The following PIGB variants were observed in gnomAD, a reference collection of about 807,000 sequenced individuals.
PIGB encodes phosphatidylinositol glycan anchor biosynthesis class B.
Under a neutral mutation model 68.4 loss-of-function variants are expected in PIGB, and 58 were observed. The observed-to-expected ratio is 0.85, with a 90% CI of 0.69 to 1.06. The LOEUF (loss-of-function observed/expected upper bound fraction) is 1.06. Among genes scored for constraint, PIGB ranks in the 50% least tolerant of loss-of-function variants. PIGB has a pLI of 0.00. For synonymous variants in PIGB, 219 were observed against 220.5 expected, an observed-to-expected ratio of 0.99 and a Z score of 0.06; for missense variants, 634 against 655.8, an observed-to-expected ratio of 0.97 and a Z score of 0.36.
chr15:55,323,882 G>T (rs1000434861), intron 3 of PIGB, among the ~76,000 whole-genome samples: 5 of 152,140 alleles, frequency 3.3e-5, no homozygotes, highest in Non-Finnish European at 7.4e-5. Context: ...ACCACAGTAA[G>T]GTTTGTTGGG....
chr15:55,327,658 G>A, intron 4 of PIGB, 23 bp downstream of exon 4: 1 of 1,371,750 alleles, frequency 7.3e-7, no homozygotes, highest in Non-Finnish European at 1.0e-6. Flanking sequence ...TACTTTAGAA[G>A]CTGTATGCCA....
At chr15:55,320,510 A>C in intron 2 of PIGB, 100 bp downstream of exon 2, 1 of 1,075,818 alleles carries the variant, frequency 9.3e-7, no homozygotes. Context: ...CCTCGTCTTC[A>C]GTAGATAGTT....
intron 1 of PIGB, 189 bp downstream of exon 1, chr15:55,319,602 T>C: frequency 1.9e-6 from 1 of 538,452 alleles, no homozygotes; most frequent in South Asian, 2.8e-5. Flanking sequence ...TAAATTCAAT[T>C]TTTTAAAAAA....
At position 55,335,437 on chromosome 15, in the gene PIGB, C is replaced by T. The variant is rs901812513; in HGVS notation, c.794+1430C>T. Among the ~76,000 whole-genome samples the T allele has an allele frequency of 2.0e-5, 3 of 152,124 alleles. No homozygotes were observed. In the East Asian group the frequency reaches 5.8e-4, roughly 29 times the overall value. ...TCCTACTATGTGCCAGGCAGTGTTC[C>T]AGATGTAGGAGATGCATCAGTTTAA... On this transcript the variant is annotated intron_variant, in intron 6 of 11. Transcript: ENST00000164305.
intron 9 of PIGB, among the ~76,000 whole-genome samples, chr15:55,344,257 T>G (rs1248554506): frequency 6.6e-6 from 1 of 152,244 alleles, no homozygotes; most frequent in Non-Finnish European, 1.5e-5. Context: ...ATAGCTCTAT[T>G]GACCTAGGCT....
In PIGB at chr15:55,355,505, G is replaced by T; in HGVS notation, c.*73G>T. ...GCTTAAATACTTCGGTAAACACTGG[G>T]TAAGATTCATGGAACTTAGAAAAAA... On this transcript the variant is annotated 3_prime_UTR_variant, in exon 12 of 12. Transcript: ENST00000164305. The T allele has an allele frequency of 8.0e-7, 1 of 1,243,576 alleles. No homozygotes were observed. The highest frequency in any genetic ancestry group is 1.1e-6 in the Non-Finnish European group (1 of 887,576). 77.0% of individuals were successfully genotyped at this position (1,243,576 alleles called of 1,614,324 possible). A position where few individuals can be genotyped will look rare whatever the true frequency, so the allele number is the denominator to read the frequency against.
At chr15:55,347,241 C>T (rs1054373498) in intron 9 of PIGB, among the ~76,000 whole-genome samples, 3 of 152,178 alleles carry the variant, frequency 2.0e-5, no homozygotes, top group African/African-American at 7.2e-5. Context: ...GCCTGGCCAA[C>T]ATGGTGAAAC....
intron 9 of PIGB, chr15:55,348,574 C>G (rs1404574149): frequency 6.4e-6 from 1 of 155,522 alleles, no homozygotes. Context: ...AGAGTTCCCC[C>G]GAGTGCTGGC....
chr15:55,327,261 ATG>A (rs2055313999), intron 3 of PIGB, among the ~76,000 whole-genome samples: 4 of 134,794 alleles, frequency 3.0e-5, no homozygotes, highest in African/African-American at 1.4e-4. Flanking sequence ...TATATAACAT[ATG>A]TGTATATATG....
intron 11 of PIGB, 123 bp from the exon 12 acceptor site, chr15:55,355,163 A>G: frequency 1.1e-6 from 1 of 916,886 alleles, no homozygotes; most frequent in South Asian, 1.7e-5. Flanking sequence ...ACTTCCTATA[A>G]GTTAATTCTT....
At chr15:55,330,572 G>C (rs1460866164) in intron 5 of PIGB, among the ~76,000 whole-genome samples, 2 of 152,208 alleles carry the variant, frequency 1.3e-5, no homozygotes, top group East Asian at 3.8e-4. Flanking sequence ...TAGTTATAGA[G>C]TGTTGTAGGA....
intron 6 of PIGB, among the ~76,000 whole-genome samples, chr15:55,334,696 G>T (rs1474571288): frequency 6.6e-6 from 1 of 152,064 alleles, no homozygotes; most frequent in Non-Finnish European, 1.5e-5. Flanking sequence ...GTATTTTAGT[G>T]TACTTTAGTT....
intron 2 of PIGB, among the ~76,000 whole-genome samples, chr15:55,320,941 C>G (rs1442454125): frequency 1.3e-5 from 2 of 152,140 alleles, no homozygotes; most frequent in East Asian, 3.9e-4. Flanking sequence ...GCATACATTC[C>G]CACAGTACTT....
In PIGB at chr15:55,325,334, A is replaced by G. The variant is rs145917385; in HGVS notation, c.418-2197A>G. Among the ~76,000 whole-genome samples the G allele has an allele frequency of 9.4e-3, 1,427 of 152,148 alleles. 18 individuals are homozygous for G. Among genetic ancestry groups the G allele is most frequent in the African/African-American group, 0.032 (1,340 of 41,496 alleles). ...GAGTGAGACTCTGTCTCACACACAC[A>G]CACACAAAATAAAAAAATAAATAAA... On this transcript the variant is annotated intron_variant, in intron 3 of 11. Transcript: ENST00000164305.
intron 9 of PIGB, among the ~76,000 whole-genome samples, chr15:55,345,576 G>A (rs59188172): frequency 1.3e-5 from 2 of 151,936 alleles, no homozygotes; most frequent in African/African-American, 2.4e-5. Flanking sequence ...CTGGCCAACA[G>A]GGTGAAACCC....
intron 5 of PIGB, among the ~76,000 whole-genome samples, chr15:55,330,101 G>A (rs11071180): frequency 0.28 from 41,984 of 152,016 alleles, 6,935 homozygotes; most frequent in East Asian, 0.55. Context: ...AAACACCATA[G>A]TACCCCCAGC....
chr15:55,321,470 C>A, intron 3 of PIGB, 80 bp downstream of exon 3: 1 of 1,210,678 alleles, frequency 8.3e-7, no homozygotes, highest in Non-Finnish European at 1.2e-6. Flanking sequence ...TGAAGTCCAG[C>A]CATATCTGGG....
rs372883705 is a variant in PIGB at position 55,329,870 on chromosome 15, G to A, written c.653+16G>A. 2.6e-6 allele frequency: 4 copies of A among 1,518,212 alleles called. No individual in the cohort carries two copies. Among genetic ancestry groups the A allele is most frequent in the South Asian group, 1.2e-5 (1 of 85,546 alleles). 94.0% of individuals were successfully genotyped at this position (1,518,212 alleles called of 1,614,324 possible). The stretch of plus-strand genomic sequence containing the variant: ...CTATGAACAGGTAAGAAAAATTATT[G>A]TTAATAATTATGTTCAAAATTCTAC... On this transcript the variant is annotated intron_variant, in intron 5 of 11. Coordinates refer to ENST00000164305, the MANE Select transcript of PIGB (RefSeq NM_004855.5).
chr15:55,325,894 C>A (rs1226915781), intron 3 of PIGB, among the ~76,000 whole-genome samples: 2 of 151,750 alleles, frequency 1.3e-5, no homozygotes, highest in Non-Finnish European at 2.9e-5. Context: ...CCAGCTTGGG[C>A]GACAGAGCAA....
Sources: gnomAD v4.1 joint callset for allele counts (sites outside exome capture counted in the v4.1 genomes callset) on GRCh38, gnomAD v4.1.1 for gene constraint, MANE v1.5 for transcripts, NCBI Gene and HGNC (gene_info 2026-07-23, HGNC 2026-07-21) for gene names.